The following EYS variants were observed in gnomAD, a reference collection of about 807,000 sequenced individuals.
The protein encoded by EYS is protein eyes shut homolog.
A neutral mutation model predicts 282.1 loss-of-function variants in EYS; 250 were observed. The ratio of observed to expected loss-of-function variants is 0.89; its 90% confidence interval spans 0.80 to 0.98. EYS has a LOEUF of 0.98. Among genes scored for constraint, EYS ranks in the 50% least tolerant of loss-of-function variants. The pLI is 0.00. For missense variants in EYS, 4,016 were observed against 3,709.0 expected (o/e 1.08, Z -2.15); for synonymous variants, 1,355 against 1,282.9 (o/e 1.06, Z -1.20).
intron 22 of EYS, among the ~76,000 whole-genome samples, chr6:64,807,777 T>TAA (rs1157305862): frequency 6.6e-6 from 1 of 152,178 alleles, no homozygotes; most frequent in Non-Finnish European, 1.5e-5. Flanking sequence ...ACTACACACC[T>TAA]AACATCTAAG....
At chr6:64,761,063 G>A (rs1773140951) in intron 22 of EYS, among the ~76,000 whole-genome samples, 2 of 152,168 alleles carry the variant, frequency 1.3e-5, no homozygotes, top group South Asian at 4.1e-4. Context: ...TACCATCAGT[G>A]GATTTGGGGG....
intron 15 of EYS, among the ~76,000 whole-genome samples, chr6:64,921,479 A>C (rs1400989690): frequency 6.6e-6 from 1 of 152,146 alleles, no homozygotes; most frequent in African/African-American, 2.4e-5. Flanking sequence ...TTATTTTTTA[A>C]AATGTCACTA....
At chr6:64,499,915 A>G (rs1776988211) in intron 26 of EYS, among the ~76,000 whole-genome samples, 1 of 152,158 alleles carries the variant, frequency 6.6e-6, no homozygotes, top group Non-Finnish European at 1.5e-5. Flanking sequence ...AGTTATAATG[A>G]TACCAGAAAT....
chr6:63,876,698 A>G (rs1299381432), intron 35 of EYS, among the ~76,000 whole-genome samples: 1 of 152,178 alleles, frequency 6.6e-6, no homozygotes, highest in Non-Finnish European at 1.5e-5. Context: ...TTCCTGTTGA[A>G]TTGATCCCTT....
At chr6:64,296,579 TATATAC>T (rs1360632148) in intron 30 of EYS, among the ~76,000 whole-genome samples, 81 of 6,650 alleles carry the variant, frequency 0.012, 1 homozygote, top group African/African-American at 0.053. Flanking sequence ...TATATATATA[TATATAC>T]ATATATATAT....
At chr6:64,130,390 A>G (rs145805934) in intron 31 of EYS, among the ~76,000 whole-genome samples, 76 of 152,314 alleles carry the variant, frequency 5.0e-4, no homozygotes, top group African/African-American at 1.8e-3. Flanking sequence ...ACAAAAAACC[A>G]AATGCCGCAT....
At chr6:64,289,607 C>T (rs147298178) in intron 30 of EYS, among the ~76,000 whole-genome samples, 29 of 152,144 alleles carry the variant, frequency 1.9e-4, no homozygotes, top group Middle Eastern at 3.4e-3. Context: ...TTTTTCCTCT[C>T]GTAAACCCAC....
At chr6:64,644,729 G>GC (rs1252217953) in intron 22 of EYS, among the ~76,000 whole-genome samples, 2 of 152,112 alleles carry the variant, frequency 1.3e-5, no homozygotes, top group African/African-American at 4.8e-5. Context: ...TACCTGAATT[G>GC]ATATAAATGT....
intron 5 of EYS, among the ~76,000 whole-genome samples, chr6:65,426,840 A>G (rs1471438254): frequency 1.3e-5 from 2 of 152,140 alleles, no homozygotes; most frequent in African/African-American, 2.4e-5. Context: ...AGTAATTTAC[A>G]TGACTAAATA....
intron 41 of EYS, among the ~76,000 whole-genome samples, chr6:63,740,030 A>C (rs1415309689): frequency 6.6e-6 from 1 of 152,110 alleles, no homozygotes; most frequent in African/African-American, 2.4e-5. Flanking sequence ...ATAGCACTTA[A>C]GATTACATGA....
chr6:64,760,613 G>A (rs1366458400), intron 22 of EYS, among the ~76,000 whole-genome samples: 1 of 152,174 alleles, frequency 6.6e-6, no homozygotes, highest in Non-Finnish European at 1.5e-5. Flanking sequence ...TGATAACTGA[G>A]GGCCAATGTG....
At position 65,418,815 on chromosome 6, in the gene EYS, T is replaced by C. The variant is rs564197740; in HGVS notation, c.863-13448A>G. Among the ~76,000 whole-genome samples, 32 of 152,064 alleles carry C rather than the reference T, an allele frequency of 2.1e-4. 2 individuals carry two copies. The South Asian group carries it at 3.5e-3, about 17-fold the overall frequency. On this transcript the variant is annotated intron_variant, in intron 5 of 42. Transcript: ENST00000503581. ...CAAACCTTCACGTTCTGCACATGTATCCCATTTTTTTAGAAGAAATAAAGA... is the reference window on the plus strand; with the variant it reads ...CAAACCTTCACGTTCTGCACATGTACCCCATTTTTTTAGAAGAAATAAAGA...
chr6:65,671,700 G>A (rs1160973821), intron 1 of EYS, among the ~76,000 whole-genome samples: 1 of 152,104 alleles, frequency 6.6e-6, no homozygotes. Context: ...GCCCAAGTGA[G>A]TATCATGCCA....
intron 35 of EYS, among the ~76,000 whole-genome samples, chr6:63,896,793 G>A (rs936567711): frequency 3.9e-5 from 6 of 152,016 alleles, no homozygotes; most frequent in Non-Finnish European, 5.9e-5. Flanking sequence ...AAGTCATATC[G>A]TTGAAGTCAT....
rs961654658 is a variant in EYS at position 64,946,333 on chromosome 6, G to C, written c.2260-419C>G. Reference sequence around the variant, plus strand: ...AGTATAAATAAGGAAACTTTTGACAGATTTATTGTTACAGATAAATATTTA... The same window carrying C: ...AGTATAAATAAGGAAACTTTTGACACATTTATTGTTACAGATAAATATTTA... On this transcript the variant is annotated intron_variant, in intron 14 of 42. Transcript: ENST00000503581. 2.6e-5 allele frequency among the ~76,000 whole-genome samples: 4 copies of C among 152,070 alleles called. No individual in the cohort carries two copies. The East Asian group carries it at 7.7e-4, about 29-fold the overall frequency.
At chr6:65,210,220 C>A (rs771549112) in intron 12 of EYS, among the ~76,000 whole-genome samples, 5 of 151,930 alleles carry the variant, frequency 3.3e-5, no homozygotes, top group Non-Finnish European at 5.9e-5. Context: ...AAATTACATG[C>A]GAATGCGTAA....
intron 7 of EYS, among the ~76,000 whole-genome samples, chr6:65,394,163 CCTCCT>C: frequency 6.6e-6 from 1 of 151,918 alleles, no homozygotes; most frequent in South Asian, 2.1e-4. Flanking sequence ...AAAATTTGAT[CCTCCT>C]GATATGTTGA....
intron 28 of EYS, among the ~76,000 whole-genome samples, chr6:64,434,999 T>C (rs1253477571): frequency 2.0e-5 from 3 of 151,946 alleles, no homozygotes; most frequent in Admixed American, 6.6e-5. Flanking sequence ...CTTGCTTCCC[T>C]ACAGATGATG....
At chr6:64,894,876 G>GT (rs1028728196) in intron 18 of EYS, among the ~76,000 whole-genome samples, 20 of 150,730 alleles carry the variant, frequency 1.3e-4, no homozygotes, top group East Asian at 9.8e-4. Context: ...CTTTGATTTT[G>GT]TTTTTTTTTA....
Sources: gnomAD v4.1 joint callset for allele counts (sites outside exome capture counted in the v4.1 genomes callset) on GRCh38, gnomAD v4.1.1 for gene constraint, MANE v1.5 for transcripts, NCBI Gene and HGNC (gene_info 2026-07-23, HGNC 2026-07-21) for gene names.